TTLL11: variants seen among roughly 807,000 people sequenced by gnomAD.
The protein encoded by TTLL11 is tubulin tyrosine ligase like 11.
Under a neutral mutation model 51.7 loss-of-function variants are expected in TTLL11, and 42 were observed. The ratio of observed to expected loss-of-function variants is 0.81; its 90% CI spans 0.64 to 1.05. The LOEUF is 1.05. Among genes scored for constraint, TTLL11 ranks in the 50% least tolerant of loss-of-function variants. The pLI, the probability that TTLL11 is intolerant of heterozygous loss-of-function variation, is 0.00. For synonymous variants in TTLL11, 381 were observed against 383.5 expected, an observed-to-expected ratio of 0.99 and a Z score of 0.08; for missense variants, 799 against 940.4, an observed-to-expected ratio of 0.85 and a Z score of 1.97.
In TTLL11 at chr9:121,818,328, TAGAGGTGTTC is replaced by T. The variant is rs1836471329; in HGVS notation, c.*4249_*4258del. 1 of 152,280 alleles carries T rather than the reference TAGAGGTGTTC, an allele frequency of 6.6e-6. No individual in the cohort carries two copies. The highest frequency in any genetic ancestry group is 1.9e-4 in the East Asian group (1 of 5,192). 9.4% of individuals were successfully genotyped at this position (152,280 alleles called of 1,614,324 possible). A position where few individuals can be genotyped will look rare whatever the true frequency, so the allele number is the denominator to read the frequency against. Reference sequence around the variant, plus strand: ...GGAGCCAACAAGGCAGCCGGGAATGTAGAGGTGTTCAGCGGATCGGCTTGGCAAGGTTTAG... The same window carrying T: ...GGAGCCAACAAGGCAGCCGGGAATGTAGCGGATCGGCTTGGCAAGGTTTAG... On this transcript the variant is annotated 3_prime_UTR_variant, in exon 9 of 9. Coordinates refer to ENST00000321582, the MANE Select transcript of TTLL11 (RefSeq NM_001139442.2).
chr9:121,916,961 A>G (rs1840347200), intron 6 of TTLL11, among the ~76,000 whole-genome samples: 1 of 152,124 alleles, frequency 6.6e-6, no homozygotes, highest in Admixed American at 6.5e-5. Flanking sequence ...ATTTCCTAAC[A>G]TATTACATTC....
intron 6 of TTLL11, among the ~76,000 whole-genome samples, chr9:121,946,179 T>C (rs921139202): frequency 3.3e-5 from 5 of 152,176 alleles, no homozygotes; most frequent in African/African-American, 1.2e-4. Context: ...GGAACTACTG[T>C]GCCAGAGTGG....
intron 1 of TTLL11, among the ~76,000 whole-genome samples, chr9:122,043,808 T>G (rs1844915730): frequency 6.6e-6 from 1 of 152,108 alleles, no homozygotes; most frequent in African/African-American, 2.4e-5. Flanking sequence ...AAATCATATA[T>G]TTGATAATAG....
intron 6 of TTLL11, among the ~76,000 whole-genome samples, chr9:121,943,069 G>A (rs150334223): frequency 6.6e-6 from 1 of 152,278 alleles, no homozygotes; most frequent in East Asian, 1.9e-4. Flanking sequence ...TCACACGATC[G>A]TGAAATGAGA....
intron 6 of TTLL11, among the ~76,000 whole-genome samples, chr9:121,941,121 G>A (rs1841445384): frequency 6.6e-6 from 1 of 152,220 alleles, no homozygotes; most frequent in Admixed American, 6.5e-5. Context: ...AAACTTTCAT[G>A]TAAGGAAGAC....
At chr9:121,972,096 G>GCACC (rs1842594705) in intron 6 of TTLL11, among the ~76,000 whole-genome samples, 2 of 148,306 alleles carry the variant, frequency 1.3e-5, no homozygotes, top group African/African-American at 5.0e-5. Context: ...AAACCTATAT[G>GCACC]TTCTGCACAT....
chr9:121,833,824 T>C (rs7022067), intron 8 of TTLL11, among the ~76,000 whole-genome samples: 2,000 of 152,300 alleles, frequency 0.013, 52 homozygotes, highest in African/African-American at 0.046. Flanking sequence ...GGGATATTAT[T>C]CCAGACTGAA....
At chr9:121,850,264 C>G (rs1417994944) in intron 8 of TTLL11, among the ~76,000 whole-genome samples, 10 of 152,150 alleles carry the variant, frequency 6.6e-5, no homozygotes, top group African/African-American at 2.4e-4. Context: ...GGAATTGGCT[C>G]AGGGCTGAGA....
chr9:121,844,765 A>T (rs1010281458), intron 8 of TTLL11, among the ~76,000 whole-genome samples: 4 of 152,226 alleles, frequency 2.6e-5, no homozygotes, highest in African/African-American at 9.6e-5. Flanking sequence ...GATACAGTCA[A>T]AGAAAGAATC....
intron 8 of TTLL11, among the ~76,000 whole-genome samples, chr9:121,826,553 G>GTATATATATATATATATATA (rs1385087890): frequency 0.019 from 841 of 45,170 alleles, 24 homozygotes; most frequent in Non-Finnish European, 0.022. Context: ...ATATATATGT[G>GTATATATATATATATATATA]TGTGTATATA....
At chr9:122,028,997 A>C (rs1208164537) in intron 3 of TTLL11, among the ~76,000 whole-genome samples, 1 of 152,208 alleles carries the variant, frequency 6.6e-6, no homozygotes, top group Admixed American at 6.5e-5. Flanking sequence ...AACATACAAA[A>C]ATTCCTGAGA....
intron 6 of TTLL11, among the ~76,000 whole-genome samples, chr9:121,899,351 GTGTA>G (rs1364664223): frequency 3.2e-5 from 3 of 94,682 alleles, no homozygotes; most frequent in African/African-American, 1.1e-4. Flanking sequence ...CTGTGTGTGT[GTGTA>G]TGTGTGTGTG....
chr9:122,062,367 C>T (rs886298320), intron 1 of TTLL11, among the ~76,000 whole-genome samples: 6 of 151,700 alleles, frequency 4.0e-5, no homozygotes, highest in East Asian at 1.9e-4. Flanking sequence ...ATATGACCTA[C>T]GACTTGGTAC....
rs1343643888 is a variant in TTLL11 at position 121,890,248 on chromosome 9, C to T, written c.1482-19500G>A. On this transcript the variant is annotated intron_variant, in intron 6 of 8. Coordinates refer to ENST00000321582, the MANE Select transcript of TTLL11 (RefSeq NM_001139442.2). This position sits in a 1 kb window ranked among gnomAD's most constrained non-coding sequence, Gnocchi z 4.3. The stretch of plus-strand genomic sequence containing the variant: ...AGAAACCAGAGAGAAGAGATTCATT[C>T]TCCCTCTCCCCTCACAAGCATCAAG... 2.0e-5 allele frequency among the ~76,000 whole-genome samples: 3 copies of T among 152,140 alleles called. No individual in the cohort carries two copies. In the East Asian group the frequency reaches 5.8e-4, roughly 29 times the overall value.
rs1836562679 is a variant in TTLL11, at chr9:121,821,023, T to C, written c.*1564A>G. Among the ~76,000 whole-genome samples, 3 of 151,786 alleles carry C rather than the reference T, an allele frequency of 2.0e-5. No homozygotes were observed. The South Asian group carries it at 6.2e-4, about 32-fold the overall frequency. On this transcript the variant is annotated 3_prime_UTR_variant, in exon 9 of 9. Transcript: ENST00000321582. The surrounding 1 kb of genome is among the most constrained non-coding windows in gnomAD (Gnocchi z 5.0). ...GGGTGAACTCCTGGCAGGAAGGAGC[T>C]CCAGGCAAGGATGAACAGAGCAGCC...
chr9:122,007,045 G>GGT (rs542748709), intron 3 of TTLL11, among the ~76,000 whole-genome samples: 143 of 151,242 alleles, frequency 9.5e-4, no homozygotes, highest in Non-Finnish European at 1.4e-3. Context: ...AAGCATTTAG[G>GGT]GTGGGGTTGT....
intron 4 of TTLL11, among the ~76,000 whole-genome samples, chr9:121,987,451 CA>C (rs1250564096): frequency 6.6e-6 from 1 of 152,164 alleles, no homozygotes; most frequent in Non-Finnish European, 1.5e-5. Context: ...CACGTCTCCC[CA>C]CCCTGCACTG....
chr9:122,045,318 C>T (rs532914216), intron 1 of TTLL11, among the ~76,000 whole-genome samples: 4 of 152,176 alleles, frequency 2.6e-5, no homozygotes, highest in Admixed American at 6.5e-5. Flanking sequence ...TTTGGGAGGC[C>T]GAGGTGGGCA....
intron 6 of TTLL11, among the ~76,000 whole-genome samples, chr9:121,873,118 T>C (rs1272143592): frequency 6.6e-6 from 1 of 152,240 alleles, no homozygotes; most frequent in Non-Finnish European, 1.5e-5. Flanking sequence ...TTTGGAAATG[T>C]ACAGTTGGAA....
Sources: allele counts gnomAD v4.1 joint callset (sites outside exome capture counted in the v4.1 genomes callset), GRCh38; gene constraint gnomAD v4.1.1; non-coding constraint Gnocchi (gnomAD v3.1); transcripts MANE v1.5; gene names NCBI Gene and HGNC (gene_info 2026-07-23, HGNC 2026-07-21).